Variants in TSPAN17 observed in about 807,000 individuals in gnomAD.
TSPAN17 encodes tetraspanin-17.
In TSPAN17, 33 loss-of-function variants were observed where a neutral mutation model predicts 40.5. That is an observed-to-expected ratio of 0.81 (90% CI 0.62 to 1.09). TSPAN17 has a LOEUF of 1.09. Among genes scored for constraint, TSPAN17 ranks in the 50% least tolerant of loss-of-function variants. The probability of loss-of-function intolerance (pLI) is 0.00; values close to 1 mark genes in which losing one functional copy is unlikely to be tolerated. For synonymous variants in TSPAN17, 166 were observed against 169.4 expected (o/e 0.98, Z 0.15); for missense variants, 365 against 416.8 (o/e 0.88, Z 1.08).
chr5:176,649,850 C>T (rs1039536439), intron 1 of TSPAN17, among the ~76,000 whole-genome samples: 3 of 152,218 alleles, frequency 2.0e-5, no homozygotes, highest in African/African-American at 7.2e-5. Context: ...GGGCCTCTGC[C>T]TGTGCCCTAC....
chr5:176,657,259 G>T, intron 8 of TSPAN17: 1 of 658,660 alleles, frequency 1.5e-6, no homozygotes, highest in Non-Finnish European at 2.5e-6. Context: ...TAGGAAGGGC[G>T]CAGCTCAGAG....
At position 176,657,596 on chromosome 5, in the gene TSPAN17, G is replaced by A; in HGVS notation, c.888G>A (p.Gln296=). The stretch of plus-strand genomic sequence containing the variant: ...AGGTCCTGTCCACGGCGGGGCCTCA[G>A]CAGAACTCTCTGACTGGGGCCCCTG... ...ISEVLSTAGP[Q]QNSLTGAPGP... is the part of the protein sequence containing the mutation. Residue 296 remains glutamine, a synonymous_variant, in exon 9 of 9, where the codon CAG becomes CAA. Coordinates refer to ENST00000508164, the MANE Select transcript of TSPAN17 (RefSeq NM_130465.5). 6.2e-7 allele frequency: 1 copy of A among 1,613,784 alleles called. No homozygotes were observed. The highest frequency in any genetic ancestry group is 8.5e-7 in the Non-Finnish European group (1 of 1,179,858).
At chr5:176,648,529 C>G (rs1031285550) in intron 1 of TSPAN17, among the ~76,000 whole-genome samples, 1 of 152,248 alleles carries the variant, frequency 6.6e-6, no homozygotes. Flanking sequence ...AGATGCCAGG[C>G]CTTTTCCCTT....
At position 176,652,748 on chromosome 5, in the gene TSPAN17, C is replaced by T. The variant is rs202159636; in HGVS notation, c.291C>T (p.Ser97=). 97 of 1,613,926 alleles carry T rather than the reference C, an allele frequency of 6.0e-5. No homozygotes were observed. Among genetic ancestry groups the T allele is most frequent in the Admixed American group, 1.3e-4 (8 of 60,004 alleles). The change falls in exon 4 of 9, where the codon TCC becomes TCT. Residue 97 remains serine, a synonymous_variant. Transcript: ENST00000508164. The part of the protein sequence containing the change: ...RENTFLLKFF[S]VFLGLIFFLE... Reference sequence around the variant, plus strand: ...GTCTGTATGCCCAACCCCAGTTCTCCGTGTTCCTCGGTCTCATCTTCTTCC... The same window carrying T: ...GTCTGTATGCCCAACCCCAGTTCTCTGTGTTCCTCGGTCTCATCTTCTTCC...
chr5:176,656,164 G>C (rs769952074), intron 6 of TSPAN17, 39 bp downstream of exon 6: 2 of 1,610,230 alleles, frequency 1.2e-6, no homozygotes, highest in East Asian at 2.2e-5. Context: ...AGGCAGGCAG[G>C]GGTACTGGGT....
At position 176,650,539 on chromosome 5, in the gene TSPAN17, T is replaced by C. The variant is rs965299625; in HGVS notation, c.88-1077T>C. The stretch of plus-strand genomic sequence containing the variant: ...AAGGAGAAAGTGGCACTCAGTCCCC[T>C]GTCTGAAGGCCAAGGGCAGGCCAAG... On this transcript the variant is annotated intron_variant, in intron 1 of 8. Coordinates refer to ENST00000508164, the MANE Select transcript of TSPAN17 (RefSeq NM_130465.5). The surrounding 1 kb of genome is among the most constrained non-coding windows in gnomAD (Gnocchi z 4.0). 6.6e-6 allele frequency among the ~76,000 whole-genome samples: 1 copy of C among 152,128 alleles called. No individual in the cohort carries two copies. The highest frequency in any genetic ancestry group is 6.5e-5 in the Admixed American group (1 of 15,276).
rs914467047 is a variant in TSPAN17, at chr5:176,651,988, TTTA to T, written c.285+96_285+98del. ...CAGTTGGAGCTTAATGATGGGTAGC[TTTA>T]TTATTATGCTATAATCGTCATCGTT... On this transcript the variant is annotated intron_variant, in intron 3 of 8. Transcript: ENST00000508164. This position sits in a 1 kb window ranked among gnomAD's most constrained non-coding sequence, Gnocchi z 4.5. 1.5e-5 allele frequency: 23 copies of T among 1,505,430 alleles called. No homozygotes were observed. The highest frequency in any genetic ancestry group is 2.1e-5 in the Non-Finnish European group (23 of 1,103,538). 93.3% of individuals were successfully genotyped at this position (1,505,430 alleles called of 1,614,324 possible). A position where few individuals can be genotyped will look rare whatever the true frequency, so the allele number is the denominator to read the frequency against.
intron 6 of TSPAN17, 157 bp downstream of exon 6, chr5:176,656,282 T>TAG: frequency 1.3e-6 from 1 of 786,022 alleles, no homozygotes; most frequent in Admixed American, 2.5e-5. Context: ...GGAGGGGGAG[T>TAG]AGACCCCTGG....
In TSPAN17 at chr5:176,654,580, C is replaced by A; in HGVS notation, c.457-315C>A. 1 of 321,112 alleles carries A rather than the reference C, an allele frequency of 3.1e-6. No homozygotes were observed. Among genetic ancestry groups the A allele is most frequent in the South Asian group, 4.1e-5 (1 of 24,158 alleles). 19.9% of individuals were successfully genotyped at this position (321,112 alleles called of 1,614,324 possible). On this transcript the variant is annotated intron_variant, in intron 4 of 8. Coordinates refer to ENST00000508164, the MANE Select transcript of TSPAN17 (RefSeq NM_130465.5). The surrounding 1 kb of genome is among the most constrained non-coding windows in gnomAD (Gnocchi z 4.3). ...GGTCTCTGCTGCCACAGGGCTTGGC[C>A]CAGCGCCTGCCTCTCAGGTAGTCTG... is the stretch of plus-strand genomic sequence containing the variant.
intron 1 of TSPAN17, among the ~76,000 whole-genome samples, chr5:176,648,304 C>T (rs969862054): frequency 1.3e-5 from 2 of 152,172 alleles, no homozygotes; most frequent in Admixed American, 6.5e-5. Flanking sequence ...AGGATCTCCC[C>T]GGTTGAGAGC....
rs1371326265 is a variant in TSPAN17, at chr5:176,647,497, G to C, written c.-119G>C. The C allele has an allele frequency of 7.8e-6, 5 of 637,926 alleles. No individual in the cohort carries two copies. The highest frequency in any genetic ancestry group is 1.2e-5 in the Non-Finnish European group (5 of 427,578). 39.5% of individuals were successfully genotyped at this position (637,926 alleles called of 1,614,324 possible). ...GGCCCGACCGGCGCTCTGTGTGGCC[G>C]AGGCCATGAAGCCGCAGCCGCCCGG... On this transcript the variant is annotated 5_prime_UTR_variant, in exon 1 of 9. Coordinates refer to ENST00000508164, the MANE Select transcript of TSPAN17 (RefSeq NM_130465.5).
rs1760970842 is a variant in TSPAN17 at position 176,651,719 on chromosome 5, C to T, written c.139-35C>T. 1.2e-6 allele frequency: 2 copies of T among 1,613,840 alleles called. No homozygotes were observed. Among genetic ancestry groups the T allele is most frequent in the African/African-American group, 1.3e-5 (1 of 74,920 alleles). ...GTATGGGACGAGGTGGTGGGAAGGT[C>T]AGCTCCCCACACCTGCCTCTGCTGC... On this transcript the variant is annotated intron_variant, in intron 2 of 8. Transcript: ENST00000508164. This position sits in a 1 kb window ranked among gnomAD's most constrained non-coding sequence, Gnocchi z 4.5.
chr5:176,649,175 G>A (rs542657355), intron 1 of TSPAN17, among the ~76,000 whole-genome samples: 10 of 152,212 alleles, frequency 6.6e-5, no homozygotes, highest in Non-Finnish European at 1.3e-4. Context: ...GGGCCTGGAG[G>A]TTTGGAATGG....
At chr5:176,653,651 C>T (rs908210674) in intron 4 of TSPAN17, 1 of 152,330 alleles carries the variant, frequency 6.6e-6, no homozygotes, top group Non-Finnish European at 1.5e-5. Context: ...CCGATCACAC[C>T]CACACACGGC....
rs756607290 is a variant in TSPAN17 at position 176,656,834 on chromosome 5, C to T, written c.747+18C>T. ...TCCTCCAGGTACCCTTGTGGCCCCACGTGCCCCTCCCCTTGCCGGGGCCGC... is the reference window on the plus strand; with the variant it reads ...TCCTCCAGGTACCCTTGTGGCCCCATGTGCCCCTCCCCTTGCCGGGGCCGC... On this transcript the variant is annotated intron_variant, in intron 7 of 8. Coordinates refer to ENST00000508164, the MANE Select transcript of TSPAN17 (RefSeq NM_130465.5). 38 of 1,614,002 alleles carry T rather than the reference C, an allele frequency of 2.4e-5. No individual in the cohort carries two copies. The highest frequency in any genetic ancestry group is 1.0e-4 in the Admixed American group (6 of 60,010).
intron 1 of TSPAN17, among the ~76,000 whole-genome samples, chr5:176,648,087 G>A (rs188270576): frequency 1.0e-3 from 158 of 152,288 alleles, no homozygotes; most frequent in Non-Finnish European, 1.9e-3. Flanking sequence ...TGGTTTAGCC[G>A]GTAAGGAGAT....
chr5:176,655,006 G>T lies in TSPAN17; in HGVS notation c.568G>T (p.Val190Phe). ...CTGCGGGGTGCCCTTCTCCTGCTGCGTCAGGGACCCTGCGGTGAGTGGGGC... is the reference window on the plus strand; with the variant it reads ...CTGCGGGGTGCCCTTCTCCTGCTGCTTCAGGGACCCTGCGGTGAGTGGGGC... ...ERCGVPFSCC[V>F]RDPAEDVLNT... Residue 190 changes from valine to phenylalanine, a missense_variant, in exon 5 of 9, where the codon GTC becomes TTC. Physicochemically the swap from Val to Phe is conservative, Grantham distance 50. Transcript: ENST00000508164. The T allele has an allele frequency of 6.2e-7, 1 of 1,606,996 alleles. No individual in the cohort carries two copies. The highest frequency in any genetic ancestry group is 2.2e-5 in the East Asian group (1 of 44,560).
In TSPAN17 at chr5:176,651,495, G is replaced by C; in HGVS notation, c.88-121G>C. On this transcript the variant is annotated intron_variant, in intron 1 of 8. Coordinates refer to ENST00000508164, the MANE Select transcript of TSPAN17 (RefSeq NM_130465.5). This position sits in a 1 kb window ranked among gnomAD's most constrained non-coding sequence, Gnocchi z 4.5. ...GAAGATGGAAAGGACCCCGGATCCCGTTCACAGCCCTTGTGCCTCTTCCTC... is the reference window on the plus strand; with the variant it reads ...GAAGATGGAAAGGACCCCGGATCCCCTTCACAGCCCTTGTGCCTCTTCCTC... 1 of 1,091,004 alleles carries C rather than the reference G, an allele frequency of 9.2e-7. No homozygotes were observed. The highest frequency in any genetic ancestry group is 1.6e-5 in the South Asian group (1 of 60,892). 67.6% of individuals were successfully genotyped at this position (1,091,004 alleles called of 1,614,324 possible). A position where few individuals can be genotyped will look rare whatever the true frequency, so the allele number is the denominator to read the frequency against.
chr5:176,656,625 G>A, intron 6 of TSPAN17, 75 bp from the exon 7 acceptor site: 2 of 1,489,620 alleles, frequency 1.3e-6, no homozygotes, highest in Non-Finnish European at 1.9e-6. Context: ...GGGTGGGCGT[G>A]AGCTTGGCAG....
Sources: gnomAD v4.1 joint callset for allele counts (sites outside exome capture counted in the v4.1 genomes callset) on GRCh38, gnomAD v4.1.1 for gene constraint, Gnocchi (gnomAD v3.1) non-coding constraint, MANE v1.5 for transcripts, NCBI Gene and HGNC (gene_info 2026-07-23, HGNC 2026-07-21) for gene names.